The following RPAP1 variants were observed in gnomAD, a reference collection of about 807,000 sequenced individuals.
The protein encoded by RPAP1 is RNA polymerase II-associated protein 1.
RPAP1 carries 109 observed loss-of-function variants against 142.4 expected under a neutral mutation model. That is an observed-to-expected ratio of 0.77 (90% confidence interval 0.66 to 0.90). RPAP1 has a LOEUF of 0.90. RPAP1 is among the 40% of genes least tolerant of loss of function. The pLI, the probability that RPAP1 is intolerant of heterozygous loss-of-function variation, is 0.00. For synonymous variants in RPAP1, 704 were observed against 738.9 expected, an observed-to-expected ratio of 0.95 and a Z score of 0.77; for missense variants, 1,546 against 1,751.7, an observed-to-expected ratio of 0.88 and a Z score of 2.10.
chr15:41,527,465 T>G lies in RPAP1; in HGVS notation c.1569A>C (p.Glu523Asp), dbSNP rs1414043283. Residue 523 changes from glutamate to aspartate, a missense_variant, in exon 12 of 25, where the codon GAA becomes GAC. Physicochemically the swap from Glu to Asp is conservative, Grantham distance 45. Coordinates refer to ENST00000304330, the MANE Select transcript of RPAP1 (RefSeq NM_015540.4). ...GGGCCAGGTCAGGTGGAGGCCGGCTTTCTTCTTCAGGGCTTTTCCTTTTTG... is the reference window on the plus strand; with the variant it reads ...GGGCCAGGTCAGGTGGAGGCCGGCTGTCTTCTTCAGGGCTTTTCCTTTTTG... ...GKAKRKSPEE[E>D]SRPPPDLARH... The G allele has an allele frequency of 1.9e-6, 3 of 1,613,166 alleles. No homozygotes were observed. The highest frequency in any genetic ancestry group is 2.7e-5 in the African/African-American group (2 of 74,938).
chr15:41,530,285 AAGG>A (rs2051834980), intron 7 of RPAP1, among the ~76,000 whole-genome samples: 1 of 152,044 alleles, frequency 6.6e-6, no homozygotes, highest in African/African-American at 2.4e-5. Flanking sequence ...AAAGATGAAG[AAGG>A]AGGACCACAT....
chr15:41,532,978 C>CAAAAA (rs56292925), intron 6 of RPAP1, among the ~76,000 whole-genome samples: 6 of 66,668 alleles, frequency 9.0e-5, no homozygotes, highest in Admixed American at 2.4e-4. Context: ...GACTCCGTCT[C>CAAAAA]AAAAAAAAAA....
intron 6 of RPAP1, among the ~76,000 whole-genome samples, chr15:41,532,060 C>T (rs191440359): frequency 5.2e-4 from 78 of 149,454 alleles, no homozygotes; most frequent in African/African-American, 1.6e-3. Context: ...CTCACTCTGT[C>T]GCCCAGGCTG....
rs2051691383 is a variant in RPAP1 at position 41,518,532 on chromosome 15, A to ATTAACCC, written c.3796-351_3796-350insGGGTTAA. On this transcript the variant is annotated intron_variant, in intron 22 of 24. Coordinates refer to ENST00000304330, the MANE Select transcript of RPAP1 (RefSeq NM_015540.4). ...CCCCATCTCTACCGAAAATACAAAA[A>ATTAACCC]TTAGCTGGACATGGTGGTGGGTGCT... The ATTAACCC allele has an allele frequency of 1.7e-5, 3 of 172,254 alleles. No homozygotes were observed. The South Asian group carries it at 5.2e-4, about 30-fold the overall frequency. The allele number at this position is 172,254 out of a possible 1,614,324, so 10.7% of individuals were successfully genotyped here.
intron 1 of RPAP1, among the ~76,000 whole-genome samples, chr15:41,539,585 C>T (rs1231599057): frequency 2.6e-5 from 4 of 151,454 alleles, no homozygotes; most frequent in African/African-American, 9.7e-5. Context: ...CGTGAGCCAC[C>T]GTGCCCCACA....
At position 41,526,637 on chromosome 15, in the gene RPAP1, T is replaced by C. The variant is rs532288982; in HGVS notation, c.1917+261A>G. On this transcript the variant is annotated intron_variant, in intron 14 of 24. Coordinates refer to ENST00000304330, the MANE Select transcript of RPAP1 (RefSeq NM_015540.4). ...ATGAATGCCTATGTGCATGAAGCCC[T>C]TCTGATCTGGGTCTAGGGAACAGGG... Among the ~76,000 whole-genome samples the C allele has an allele frequency of 2.6e-5, 4 of 152,326 alleles. No homozygotes were observed. The South Asian group carries it at 8.3e-4, about 32-fold the overall frequency.
chr15:41,536,284 TA>T, intron 3 of RPAP1, 66 bp from the exon 4 acceptor site: 1 of 1,489,552 alleles, frequency 6.7e-7, no homozygotes, highest in Non-Finnish European at 9.3e-7. Context: ...GACCCGATCC[TA>T]TTAGCCCAGT....
chr15:41,541,934 T>G (rs1326846593), intron 1 of RPAP1, among the ~76,000 whole-genome samples: 3 of 152,154 alleles, frequency 2.0e-5, no homozygotes, highest in Admixed American at 2.0e-4. Flanking sequence ...AAGCCAGCCT[T>G]GGAAACACCT....
At chr15:41,530,382 TA>T in intron 7 of RPAP1, among the ~76,000 whole-genome samples, 1 of 152,314 alleles carries the variant, frequency 6.6e-6, no homozygotes, top group African/African-American at 2.4e-5. Context: ...GAGGCAACTA[TA>T]CTGCTCCTGG....
Position 41,536,609 on chromosome 15 carries a change from TGGA to T in RPAP1, c.219_221del (p.Pro74del), listed in dbSNP as rs760537264. 9.3e-6 allele frequency: 15 copies of T among 1,614,028 alleles called. No individual in the cohort carries two copies. The highest frequency in any genetic ancestry group is 2.2e-5 in the East Asian group (1 of 44,882). ...GGCCAGGGCTGGGCCTGGCTCTCTT[TGGA>T]GGAGAAGGGACCAAAGCTGGGGGCA... On this transcript the variant is annotated inframe_deletion, in exon 3 of 25. Transcript: ENST00000304330.
At position 41,518,171 on chromosome 15, in the gene RPAP1, G is replaced by C. The variant is rs1347420035; in HGVS notation, c.3807C>G (p.Ser1269=). The part of the protein sequence containing the change: ...LSLPLTQLPV[S]LECYTVPPED... Reference sequence around the variant, plus strand: ...CAGGAGGCACTGTGTAACACTCCAGGGACACAGGCAACTGTGACAGGGGAA... The same window carrying C: ...CAGGAGGCACTGTGTAACACTCCAGCGACACAGGCAACTGTGACAGGGGAA... Residue 1269 remains serine, a synonymous_variant, in exon 23 of 25, where the codon TCC becomes TCG. Transcript: ENST00000304330. 6 of 1,567,358 alleles carry C rather than the reference G, an allele frequency of 3.8e-6. No individual in the cohort carries two copies. The highest frequency in any genetic ancestry group is 5.2e-6 in the Non-Finnish European group (6 of 1,161,752).
In RPAP1 at chr15:41,521,092, C is replaced by T; in HGVS notation, c.3094G>A (p.Gly1032Arg). ...AADFSDQLSL[G>R]SSRVPRCGQG... is the part of the protein sequence containing the mutation. ...CCACACCGAGGGACCCTGCTGCTTC[C>T]TAACGACAGCTGGTCAGAGAAGTCG... is the stretch of plus-strand genomic sequence containing the variant. The change falls in exon 22 of 25, where the codon GGA (glycine) becomes AGA (arginine). Residue 1032 changes from glycine (G) to arginine (R), a missense_variant. Around this residue, in one of 3 missense-constraint regions of RPAP1, gnomAD observed 1,333 missense variants for 1,486.6 expected, o/e 0.90. Transcript: ENST00000304330. 1.3e-6 allele frequency: 2 copies of T among 1,523,870 alleles called. No homozygotes were observed. The highest frequency in any genetic ancestry group is 1.8e-6 in the Non-Finnish European group (2 of 1,137,084). The allele number at this position is 1,523,870 out of a possible 1,614,324, so 94.4% of individuals were successfully genotyped here.
intron 3 of RPAP1, 134 bp downstream of exon 3, chr15:41,536,367 C>T: frequency 1.5e-6 from 2 of 1,367,562 alleles, no homozygotes; most frequent in Non-Finnish European, 2.0e-6. Flanking sequence ...TCTAACCCAG[C>T]CCCCAACCTG....
intron 8 of RPAP1, 27 bp from the exon 9 acceptor site, chr15:41,529,595 G>C (rs1467899032): frequency 1.3e-6 from 2 of 1,542,054 alleles, no homozygotes; most frequent in Non-Finnish European, 1.8e-6. Flanking sequence ...GAGGACTGTG[G>C]TCTGGGGGCT....
At position 41,520,849 on chromosome 15, in the gene RPAP1, C is replaced by G. The variant is rs774890309; in HGVS notation, c.3337G>C (p.Ala1113Pro). The change falls in exon 22 of 25, where the codon GCT becomes CCT. Residue 1113 changes from alanine to proline, a missense_variant. Transcript: ENST00000304330. ...FLPLIRLYHRASDTPSGLSPT... is the reference protein window; with the variant it reads ...FLPLIRLYHRPSDTPSGLSPT... The stretch of plus-strand genomic sequence containing the variant: ...GAGAGTCCCGAGGGGGTGTCTGAAG[C>G]CCGGTGGTAGAGGCGAATCAGTGGC... 35 of 1,613,716 alleles carry G rather than the reference C, an allele frequency of 2.2e-5. No homozygotes were observed. Among genetic ancestry groups the G allele is most frequent in the Non-Finnish European group, 2.9e-5 (34 of 1,180,034 alleles).
In RPAP1 at chr15:41,517,986, AAGATGG is replaced by A; in HGVS notation, c.3972+14_3972+19del. On this transcript the variant is annotated intron_variant, in intron 23 of 24. Transcript: ENST00000304330. ...ATTGCTAGCTCCCTTCCTTCCTCTG[AAGATGG>A]AGATGTAACTTACTGAGCTCTGTGG... 1 of 1,614,056 alleles carries A rather than the reference AAGATGG, an allele frequency of 6.2e-7. No homozygotes were observed. Among genetic ancestry groups the A allele is most frequent in the Non-Finnish European group, 8.5e-7 (1 of 1,179,922 alleles).
intron 1 of RPAP1, among the ~76,000 whole-genome samples, chr15:41,537,875 C>T (rs1295689065): frequency 9.5e-6 from 1 of 105,700 alleles, no homozygotes. Flanking sequence ...AAGAGTAAAA[C>T]TCCGTCTCAA....
intron 6 of RPAP1, among the ~76,000 whole-genome samples, chr15:41,533,632 C>G (rs2140781258): frequency 6.6e-6 from 1 of 151,934 alleles, no homozygotes; most frequent in East Asian, 1.9e-4. Context: ...AGTTCGAAAC[C>G]AGCCTGGCCA....
chr15:41,522,187 C>A lies in RPAP1; in HGVS notation c.2806G>T (p.Ala936Ser). 1 of 1,614,018 alleles carries A rather than the reference C, an allele frequency of 6.2e-7. No individual in the cohort carries two copies. Among genetic ancestry groups the A allele is most frequent in the Non-Finnish European group, 8.5e-7 (1 of 1,180,012 alleles). Residue 936 changes from alanine to serine, a missense_variant, in exon 20 of 25, where the codon GCT becomes TCT. Around this residue, in one of 3 missense-constraint regions of RPAP1, gnomAD observed 1,333 missense variants for 1,486.6 expected, o/e 0.90. Transcript: ENST00000304330. Reference protein sequence around the residue: ...NYFLQCVAPGAAPHLTPFSAW... With the variant: ...NYFLQCVAPGSAPHLTPFSAW... ...GAGAAAGGTGTGAGGTGTGGGGCAG[C>A]CCCAGGAGCCACACACTGGAGGAAG... is the stretch of plus-strand genomic sequence containing the variant.
Sources: gnomAD v4.1 joint callset for allele counts (sites outside exome capture counted in the v4.1 genomes callset) on GRCh38, gnomAD v4.1.1 for gene constraint, gnomAD v4.1.1 regional missense constraint, MANE v1.5 for transcripts, NCBI Gene and HGNC (gene_info 2026-07-23, HGNC 2026-07-21) for gene names.